The following NTM variants were observed in gnomAD, a reference collection of about 807,000 sequenced individuals.
The protein encoded by NTM is IgLON family member 2.
Under a neutral mutation model 42.1 loss-of-function variants are expected in NTM, and 13 were observed. That is an observed-to-expected ratio of 0.31 (90% CI 0.20 to 0.49). NTM has a LOEUF of 0.49. Ranked by LOEUF, NTM falls within the 20% of genes least tolerant of loss-of-function variation. NTM has a pLI of 0.99. For missense variants in NTM, 373 were observed against 452.8 expected (o/e 0.82, Z 1.60); for synonymous variants, 187 against 179.2 (o/e 1.04, Z -0.35).
chr11:131,381,541 A>AT lies in NTM; in HGVS notation c.82+10661dup, dbSNP rs201763980. On this transcript the variant is annotated intron_variant, in intron 1 of 8. Transcript: ENST00000683400. ...AAAAGGATCTAAATGCCATATTGTCATTTTTTTTCCGTTATTTTTTCATAC... is the reference window on the plus strand; with the variant it reads ...AAAAGGATCTAAATGCCATATTGTCATTTTTTTTTCCGTTATTTTTTCATAC... Among the ~76,000 whole-genome samples the AT allele has an allele frequency of 5.7e-3, 872 of 151,982 alleles. 11 individuals carry two copies. The highest frequency in any genetic ancestry group is 0.017 in the African/African-American group (721 of 41,444).
chr11:131,556,148 AT>A (rs1036174945), intron 1 of NTM, among the ~76,000 whole-genome samples: 3 of 152,200 alleles, frequency 2.0e-5, no homozygotes, highest in African/African-American at 7.2e-5. Context: ...AAGAGTGAAA[AT>A]GAACACAAGT....
chr11:131,430,619 A>C (rs991259090), intron 1 of NTM, among the ~76,000 whole-genome samples: 7 of 152,230 alleles, frequency 4.6e-5, no homozygotes, highest in Non-Finnish European at 7.3e-5. Flanking sequence ...GATTACACAA[A>C]GGGAAGAGGC....
intron 1 of NTM, among the ~76,000 whole-genome samples, chr11:131,561,103 C>A (rs73028194): frequency 4.8e-4 from 73 of 152,292 alleles, no homozygotes; most frequent in Non-Finnish European, 5.3e-4. Context: ...AGGGAACAAG[C>A]GCAGTCAGGC....
At chr11:132,011,290 A>C (rs2072124086) in intron 2 of NTM, among the ~76,000 whole-genome samples, 1 of 152,156 alleles carries the variant, frequency 6.6e-6, no homozygotes, top group African/African-American at 2.4e-5. Flanking sequence ...TCTAACATTT[A>C]ACTTGAAGTA....
intron 3 of NTM, among the ~76,000 whole-genome samples, chr11:132,184,063 G>GA (rs1217036892): frequency 6.6e-6 from 1 of 152,148 alleles, no homozygotes; most frequent in African/African-American, 2.4e-5. Flanking sequence ...TGGAAACGAT[G>GA]AAAGTGGAGC....
chr11:131,705,179 A>G (rs1263868408), intron 1 of NTM, among the ~76,000 whole-genome samples: 1 of 152,204 alleles, frequency 6.6e-6, no homozygotes, highest in Non-Finnish European at 1.5e-5. Flanking sequence ...GGCACATTAT[A>G]GTTAAATTTG....
At chr11:132,166,878 C>G (rs1006037280) in intron 3 of NTM, among the ~76,000 whole-genome samples, 3 of 152,118 alleles carry the variant, frequency 2.0e-5, no homozygotes, top group Non-Finnish European at 4.4e-5. Context: ...ACTTCACTAG[C>G]AAGAGATGTG....
chr11:131,872,003 T>A (rs1592415210), intron 1 of NTM, among the ~76,000 whole-genome samples: 2 of 152,206 alleles, frequency 1.3e-5, no homozygotes, highest in Admixed American at 1.3e-4. Flanking sequence ...TGTGTACACA[T>A]GTCTTCATGT....
intron 1 of NTM, among the ~76,000 whole-genome samples, chr11:131,706,508 C>T (rs1309005779): frequency 1.3e-5 from 2 of 152,088 alleles, no homozygotes; most frequent in East Asian, 3.9e-4. Flanking sequence ...ACATAAAGAA[C>T]ATTCCATCCA....
rs1267735429 is a variant in NTM, at chr11:131,789,426, GA to G, written c.83-122136del. ...TGCTGCAGTTAAAAGAAAAAAAGAA[GA>G]AGGAAGAAGAAGAAGAAGAAGAAGA... is the stretch of plus-strand genomic sequence containing the variant. On this transcript the variant is annotated intron_variant, in intron 1 of 8. Transcript: ENST00000683400. 8.0e-4 allele frequency among the ~76,000 whole-genome samples: 15 copies of G among 18,734 alleles called. 1 individual carries two copies. Among genetic ancestry groups the G allele is most frequent in the African/African-American group, 4.0e-3 (14 of 3,472 alleles). The allele number at this position is 18,734 out of a possible 152,430, so 12.3% of individuals were successfully genotyped here.
chr11:131,447,526 T>C (rs910787579), intron 1 of NTM, among the ~76,000 whole-genome samples: 4 of 152,148 alleles, frequency 2.6e-5, no homozygotes, highest in Non-Finnish European at 5.9e-5. Context: ...ATCTCTTTCC[T>C]GAGCTCTAGC....
At chr11:132,332,318 G>C (rs879474021) in intron 8 of NTM, 1 of 152,640 alleles carries the variant, frequency 6.6e-6, no homozygotes, top group Non-Finnish European at 1.5e-5. Context: ...GGTGGTGAGC[G>C]CATGTACCTG....
At chr11:132,161,391 T>A (rs1300285870) in intron 3 of NTM, among the ~76,000 whole-genome samples, 1 of 146,894 alleles carries the variant, frequency 6.8e-6, no homozygotes, top group Non-Finnish European at 1.5e-5. Context: ...TTTTTTTTTT[T>A]TTTTCCCCAC....
intron 1 of NTM, among the ~76,000 whole-genome samples, chr11:131,463,612 A>G (rs921546612): frequency 6.6e-6 from 1 of 152,224 alleles, no homozygotes; most frequent in African/African-American, 2.4e-5. Context: ...CATTTATCAA[A>G]AATAAATCTA....
chr11:132,190,330 T>C (rs1266797405), intron 3 of NTM, among the ~76,000 whole-genome samples: 1 of 152,134 alleles, frequency 6.6e-6, no homozygotes, highest in African/African-American at 2.4e-5. Context: ...AAGGGGAAAT[T>C]TGAAATGAGA....
chr11:131,757,388 C>T (rs970720626), intron 1 of NTM, among the ~76,000 whole-genome samples: 3 of 152,232 alleles, frequency 2.0e-5, no homozygotes, highest in Non-Finnish European at 2.9e-5. Context: ...CTCCAACTGT[C>T]TAGCTCTTCA....
At chr11:131,817,010 A>G (rs1272975208) in intron 1 of NTM, among the ~76,000 whole-genome samples, 2 of 152,194 alleles carry the variant, frequency 1.3e-5, no homozygotes, top group Admixed American at 6.5e-5. Flanking sequence ...CCTGTGGCAC[A>G]GCATCTATTT....
chr11:132,105,398 G>T (rs140898512), intron 2 of NTM, among the ~76,000 whole-genome samples: 1 of 152,168 alleles, frequency 6.6e-6, no homozygotes, highest in East Asian at 1.9e-4. Flanking sequence ...GTAGAAAAGA[G>T]AGCTATTAAA....
At chr11:131,515,018 C>T (rs1391522950) in intron 1 of NTM, among the ~76,000 whole-genome samples, 1 of 152,128 alleles carries the variant, frequency 6.6e-6, no homozygotes, top group Non-Finnish European at 1.5e-5. Flanking sequence ...AAGCGATCCT[C>T]CTGCCTCAAC....
Sources: gnomAD v4.1 joint callset for allele counts (sites outside exome capture counted in the v4.1 genomes callset) on GRCh38, gnomAD v4.1.1 for gene constraint, MANE v1.5 for transcripts, NCBI Gene and HGNC (gene_info 2026-07-23, HGNC 2026-07-21) for gene names.